Variants in DLGAP2 observed in about 807,000 individuals in gnomAD.
DLGAP2 encodes the protein DLG associated protein 2.
Under a neutral mutation model 100.3 loss-of-function variants are expected in DLGAP2, and 26 were observed. That is an observed-to-expected ratio of 0.26 (90% CI 0.19 to 0.36). DLGAP2 has a LOEUF of 0.36. Ranked by LOEUF, DLGAP2 falls within the 10% of genes least tolerant of loss-of-function variation. The pLI, the probability that DLGAP2 is intolerant of heterozygous loss-of-function variation, is 1.00. For missense variants in DLGAP2, 1,858 were observed against 1,453.2 expected, an observed-to-expected ratio of 1.28 and a Z score of -4.53; for synonymous variants, 886 against 630.1, an observed-to-expected ratio of 1.41 and a Z score of -6.08.
At chr8:887,787 G>C (rs989907242) in intron 1 of DLGAP2, among the ~76,000 whole-genome samples, 1 of 152,110 alleles carries the variant, frequency 6.6e-6, no homozygotes, top group African/African-American at 2.4e-5. Context: ...TGGCCTTTCT[G>C]TCTGGCTGCC....
chr8:1,073,074 G>A (rs1397592834), intron 2 of DLGAP2, among the ~76,000 whole-genome samples: 1 of 152,160 alleles, frequency 6.6e-6, no homozygotes, highest in Non-Finnish European at 1.5e-5. Flanking sequence ...CTTTACCCAA[G>A]AGAATAAAAG....
At chr8:952,939 C>A (rs1404768141) in intron 2 of DLGAP2, among the ~76,000 whole-genome samples, 1 of 152,146 alleles carries the variant, frequency 6.6e-6, no homozygotes, top group African/African-American at 2.4e-5. Flanking sequence ...ATGTTGAAAT[C>A]TGTTGGTCTG....
chr8:1,233,036 G>A (rs1022404882), intron 2 of DLGAP2, among the ~76,000 whole-genome samples: 8 of 152,256 alleles, frequency 5.3e-5, no homozygotes, highest in Admixed American at 5.2e-4. Flanking sequence ...TGGCATTGGC[G>A]GAATTTTGTG....
intron 2 of DLGAP2, among the ~76,000 whole-genome samples, chr8:965,763 C>G (rs1024528019): frequency 7.0e-6 from 1 of 143,860 alleles, no homozygotes; most frequent in Admixed American, 6.8e-5. Context: ...GAGTCTGACC[C>G]CTGCGCTGCA....
intron 1 of DLGAP2, among the ~76,000 whole-genome samples, chr8:873,869 C>T (rs1481507775): frequency 6.6e-6 from 1 of 152,124 alleles, no homozygotes; most frequent in African/African-American, 2.4e-5. Flanking sequence ...TTTGGGAGGA[C>T]AGTTTTTTGA....
intron 2 of DLGAP2, among the ~76,000 whole-genome samples, chr8:1,242,536 G>C (rs1427542151): frequency 6.6e-6 from 1 of 152,194 alleles, no homozygotes; most frequent in Non-Finnish European, 1.5e-5. Flanking sequence ...TCCTGCTGAG[G>C]TACATTTCCT....
chr8:1,128,204 G>A (rs1486451575), intron 2 of DLGAP2, among the ~76,000 whole-genome samples: 1 of 151,848 alleles, frequency 6.6e-6, no homozygotes, highest in Non-Finnish European at 1.5e-5. Flanking sequence ...TGTGTTCGGT[G>A]AGGACCTGCT....
intron 2 of DLGAP2, among the ~76,000 whole-genome samples, chr8:1,199,317 T>A (rs541899460): frequency 6.6e-6 from 1 of 152,350 alleles, no homozygotes; most frequent in African/African-American, 2.4e-5. Context: ...GTTGAGCTTC[T>A]CCCTGGTGAT....
intron 3 of DLGAP2, among the ~76,000 whole-genome samples, chr8:1,425,552 G>A (rs753877025): frequency 8.5e-5 from 13 of 152,168 alleles, no homozygotes; most frequent in Non-Finnish European, 1.8e-4. Flanking sequence ...GCCCCAGAAG[G>A]CGTTCCTCTG....
intron 8 of DLGAP2, among the ~76,000 whole-genome samples, chr8:1,652,999 A>T (rs1380825573): frequency 6.6e-6 from 1 of 152,168 alleles, no homozygotes; most frequent in African/African-American, 2.4e-5. Flanking sequence ...GGTGACCCAG[A>T]GGACTGTCAT....
At chr8:1,157,327 G>A (rs752930734) in intron 2 of DLGAP2, among the ~76,000 whole-genome samples, 2 of 152,318 alleles carry the variant, frequency 1.3e-5, no homozygotes, top group South Asian at 2.1e-4. Context: ...TTTCACCGAT[G>A]GATGCACTTC....
chr8:927,032 C>T lies in DLGAP2; in HGVS notation c.73+19066C>T, dbSNP rs574614841. The T allele has an allele frequency of 1.4e-4, 136 of 985,334 alleles. No homozygotes were observed. In the South Asian group the frequency reaches 1.8e-3, roughly 13 times the overall value. 61.0% of individuals were successfully genotyped at this position (985,334 alleles called of 1,614,324 possible). A position where few individuals can be genotyped will look rare whatever the true frequency, so the allele number is the denominator to read the frequency against. Reference sequence around the variant, plus strand: ...CCGAGAAAGAGAAAGAGCTCAGAGCCGGGGACTGGAGGCCTGGAGGAGCCG... The same window carrying T: ...CCGAGAAAGAGAAAGAGCTCAGAGCTGGGGACTGGAGGCCTGGAGGAGCCG... On this transcript the variant is annotated intron_variant, in intron 2 of 14. Transcript: ENST00000637795.
chr8:835,403 A>G (rs541670966), intron 1 of DLGAP2, among the ~76,000 whole-genome samples: 13 of 152,154 alleles, frequency 8.5e-5, no homozygotes, highest in African/African-American at 2.4e-4. Flanking sequence ...AAACGTGACG[A>G]CATCGCTCCC....
chr8:894,797 C>G (rs1428954948), intron 1 of DLGAP2, among the ~76,000 whole-genome samples: 34 of 3,956 alleles, frequency 8.6e-3, no homozygotes, highest in Admixed American at 0.017. Context: ...GGGGTGGGGA[C>G]AGCAGAGTGG....
At chr8:1,059,406 G>A (rs1231891836) in intron 2 of DLGAP2, among the ~76,000 whole-genome samples, 2 of 152,146 alleles carry the variant, frequency 1.3e-5, no homozygotes, top group Non-Finnish European at 2.9e-5. Context: ...GAGCCCGAAG[G>A]CTTGGGCTCC....
intron 2 of DLGAP2, among the ~76,000 whole-genome samples, chr8:1,229,675 T>G (rs1798493538): frequency 6.6e-6 from 1 of 152,160 alleles, no homozygotes; most frequent in Admixed American, 6.5e-5. Flanking sequence ...TTCACCACAA[T>G]CAAGTAGGCT....
intron 1 of DLGAP2, among the ~76,000 whole-genome samples, chr8:777,418 G>A (rs1188819662): frequency 6.6e-6 from 1 of 151,720 alleles, no homozygotes. Flanking sequence ...TATTTTGCTC[G>A]TTAGTTGATG....
intron 6 of DLGAP2, among the ~76,000 whole-genome samples, chr8:1,593,035 G>A (rs1160929590): frequency 6.6e-6 from 1 of 152,166 alleles, no homozygotes; most frequent in Non-Finnish European, 1.5e-5. Context: ...ATTATACATT[G>A]CAATAGTAAA....
chr8:1,373,174 G>A (rs139718560), intron 3 of DLGAP2, among the ~76,000 whole-genome samples: 458 of 152,340 alleles, frequency 3.0e-3, no homozygotes, highest in African/African-American at 0.01. Flanking sequence ...GGCCGTTGGA[G>A]CGTTTGCATT....
Sources: allele counts gnomAD v4.1 joint callset (sites outside exome capture counted in the v4.1 genomes callset), GRCh38; gene constraint gnomAD v4.1.1; transcripts MANE v1.5; gene names NCBI Gene and HGNC (gene_info 2026-07-23, HGNC 2026-07-21).